The following CENPP variants were observed in gnomAD, a reference collection of about 807,000 sequenced individuals.
CENPP encodes centromere protein P.
A neutral mutation model predicts 35.6 loss-of-function variants in CENPP; 24 were observed. The observed-to-expected ratio is 0.67, with a 90% CI of 0.49 to 0.95. CENPP has a LOEUF of 0.95. Ranked by LOEUF, CENPP falls within the 40% of genes least tolerant of loss-of-function variation. The pLI is 0.00. For missense variants in CENPP, 332 were observed against 345.3 expected (o/e 0.96, Z 0.31); for synonymous variants, 120 against 125.5 (o/e 0.96, Z 0.29).
chr9:92,496,511 A>T, intron 5 of CENPP: 1 of 1,595,898 alleles, frequency 6.3e-7, no homozygotes, highest in East Asian at 2.3e-5. Context: ...TGCAAGTCAC[A>T]CATGGTCCCA....
intron 5 of CENPP, among the ~76,000 whole-genome samples, chr9:92,591,608 G>A (rs1250279406): frequency 6.6e-6 from 1 of 151,128 alleles, no homozygotes; most frequent in Non-Finnish European, 1.5e-5. Flanking sequence ...AAAATCACGG[G>A]AAATAAAATA....
At chr9:92,453,095 T>A (rs1224633558) in intron 5 of CENPP, among the ~76,000 whole-genome samples, 1 of 152,078 alleles carries the variant, frequency 6.6e-6, no homozygotes, top group Admixed American at 6.6e-5. Flanking sequence ...ATGTCTCTAT[T>A]TCCTTCAGTT....
chr9:92,391,474 C>T (rs747452604), intron 5 of CENPP, among the ~76,000 whole-genome samples: 2 of 151,890 alleles, frequency 1.3e-5, no homozygotes, highest in African/African-American at 2.4e-5. Context: ...TGGCACATGC[C>T]TGTAGTCTCA....
At chr9:92,543,591 A>T (rs1449365877) in intron 5 of CENPP, among the ~76,000 whole-genome samples, 1 of 151,900 alleles carries the variant, frequency 6.6e-6, no homozygotes, top group African/African-American at 2.4e-5. Flanking sequence ...TGAAAAAAAA[A>T]GTTGAAATTT....
intron 5 of CENPP, among the ~76,000 whole-genome samples, chr9:92,503,557 A>G (rs191859861): frequency 1.5e-3 from 235 of 152,372 alleles, no homozygotes; most frequent in African/African-American, 5.5e-3. Flanking sequence ...TAAGTTTTTA[A>G]TAGCTAGCTG....
chr9:92,403,222 G>A, intron 5 of CENPP: 1 of 1,520,460 alleles, frequency 6.6e-7, no homozygotes, highest in East Asian at 2.3e-5. Context: ...ATTTAGAATA[G>A]AAATAAAGTA....
At chr9:92,587,478 AG>A (rs111695803) in intron 5 of CENPP, among the ~76,000 whole-genome samples, 75 of 151,684 alleles carry the variant, frequency 4.9e-4, no homozygotes, top group African/African-American at 1.5e-3. Context: ...CTCAAAAAAA[AG>A]GGGGGGGACC....
Position 92,416,778 on chromosome 9 carries a change from T to A in CENPP, c.564+36919T>A, listed in dbSNP as rs1399561564. On this transcript the variant is annotated intron_variant, in intron 5 of 7. Coordinates refer to ENST00000375587, the MANE Select transcript of CENPP (RefSeq NM_001012267.3). Reference sequence around the variant, plus strand: ...AGTTTGTTGTGTGACATTCTTAGAGTATGAAGTTTTGGAAGTTTGTCGAAG... The same window carrying A: ...AGTTTGTTGTGTGACATTCTTAGAGAATGAAGTTTTGGAAGTTTGTCGAAG... 6.2e-7 allele frequency: 1 copy of A among 1,613,674 alleles called. No homozygotes were observed. The highest frequency in any genetic ancestry group is 8.5e-7 in the Non-Finnish European group (1 of 1,179,812).
intron 5 of CENPP, among the ~76,000 whole-genome samples, chr9:92,595,878 T>A (rs573126160): frequency 3.6e-4 from 55 of 152,296 alleles, no homozygotes; most frequent in African/African-American, 1.1e-3. Context: ...CTTCCATTTT[T>A]AAAAAACTGA....
intron 5 of CENPP, chr9:92,459,570 A>G (rs1845017758): frequency 3.3e-6 from 5 of 1,526,938 alleles, no homozygotes; most frequent in Non-Finnish European, 3.6e-6. Context: ...GGTGTGCTAA[A>G]GTGTGTTATA....
intron 5 of CENPP, among the ~76,000 whole-genome samples, chr9:92,546,583 A>G (rs930081268): frequency 6.6e-6 from 1 of 152,074 alleles, no homozygotes; most frequent in African/African-American, 2.4e-5. Context: ...GAGACCACGA[A>G]CCCACCAGAA....
At chr9:92,527,327 A>T (rs1848475145) in intron 5 of CENPP, among the ~76,000 whole-genome samples, 2 of 152,160 alleles carry the variant, frequency 1.3e-5, no homozygotes. Flanking sequence ...ATGTTTAGAT[A>T]CACAAATACC....
chr9:92,434,305 C>G (rs1239483350), intron 5 of CENPP, among the ~76,000 whole-genome samples: 1 of 150,928 alleles, frequency 6.6e-6, no homozygotes, highest in African/African-American at 2.4e-5. Flanking sequence ...AGAAGAATCG[C>G]TTGAACCCAG....
intron 5 of CENPP, among the ~76,000 whole-genome samples, chr9:92,520,785 G>T (rs1166425298): frequency 6.6e-6 from 1 of 152,094 alleles, no homozygotes; most frequent in African/African-American, 2.4e-5. Context: ...GCCATAAAAA[G>T]GAATGAAGTT....
chr9:92,552,685 T>C (rs1849641326), intron 5 of CENPP, among the ~76,000 whole-genome samples: 1 of 152,292 alleles, frequency 6.6e-6, no homozygotes, highest in East Asian at 1.9e-4. Flanking sequence ...CACTTTTTGA[T>C]AGGATTGTTT....
chr9:92,437,102 T>C (rs999998829), intron 5 of CENPP, among the ~76,000 whole-genome samples: 17 of 152,160 alleles, frequency 1.1e-4, no homozygotes, highest in African/African-American at 3.9e-4. Flanking sequence ...CTTAGGAGGC[T>C]GTGGCAGGAG....
At chr9:92,536,991 T>G (rs1401359458) in intron 5 of CENPP, among the ~76,000 whole-genome samples, 1 of 151,884 alleles carries the variant, frequency 6.6e-6, no homozygotes, top group Non-Finnish European at 1.5e-5. Flanking sequence ...TGCCTCAGCT[T>G]CCCGAGTAGG....
At chr9:92,516,072 T>TCC (rs76297691) in intron 5 of CENPP, among the ~76,000 whole-genome samples, 37 of 139,778 alleles carry the variant, frequency 2.6e-4, no homozygotes, top group Middle Eastern at 3.9e-3. Flanking sequence ...TACTTTTTTT[T>TCC]CCCCCCCCCG....
intron 5 of CENPP, among the ~76,000 whole-genome samples, chr9:92,535,168 G>T (rs185803977): frequency 2.7e-5 from 4 of 146,328 alleles, no homozygotes; most frequent in African/African-American, 1.0e-4. Flanking sequence ...TAAACTTACA[G>T]AGCTATTTGA....
Sources: allele counts gnomAD v4.1 joint callset (sites outside exome capture counted in the v4.1 genomes callset), GRCh38; gene constraint gnomAD v4.1.1; transcripts MANE v1.5; gene names NCBI Gene and HGNC (gene_info 2026-07-23, HGNC 2026-07-21).